The following DPYD variants were observed in gnomAD, a reference collection of about 807,000 sequenced individuals.
DPYD encodes dihydropyrimidine dehydrogenase.
Under a neutral mutation model 116.2 loss-of-function variants are expected in DPYD, and 109 were observed. The observed-to-expected ratio is 0.94, with a 90% confidence interval of 0.80 to 1.10. The LOEUF is 1.10. Among genes scored for constraint, DPYD ranks in the 50% least tolerant of loss-of-function variants. The probability of loss-of-function intolerance (pLI) is 0.00; values close to 1 mark genes in which losing one functional copy is unlikely to be tolerated. For synonymous variants in DPYD, 440 were observed against 432.0 expected (o/e 1.02, Z -0.23); for missense variants, 1,302 against 1,254.5 (o/e 1.04, Z -0.57).
intron 19 of DPYD, among the ~76,000 whole-genome samples, chr1:97,217,696 CTTTCT>C (rs1359030959): frequency 4.6e-5 from 7 of 151,370 alleles, no homozygotes; most frequent in Non-Finnish European, 1.0e-4. Flanking sequence ...GTCTGGTACT[CTTTCT>C]TTTATCAGTT....
chr1:97,556,280 C>T (rs1651698358), intron 11 of DPYD, among the ~76,000 whole-genome samples: 1 of 152,020 alleles, frequency 6.6e-6, no homozygotes, highest in Non-Finnish European at 1.5e-5. Flanking sequence ...TTCCACCTGT[C>T]CTCATGATGC....
rs560079981 is a variant in DPYD at position 97,263,341 on chromosome 1, T to A, written c.2300-28347A>T. Among the ~76,000 whole-genome samples the A allele has an allele frequency of 4.6e-5, 7 of 152,206 alleles. No homozygotes were observed. The South Asian group carries it at 1.5e-3, about 32-fold the overall frequency. On this transcript the variant is annotated intron_variant, in intron 18 of 22. Coordinates refer to ENST00000370192, the MANE Select transcript of DPYD (RefSeq NM_000110.4). Reference sequence around the variant, plus strand: ...ACATGAAATCACTATAAAGCTTTTATCTGAGGTCTGAAATACCATTTCCCC... The same window carrying A: ...ACATGAAATCACTATAAAGCTTTTAACTGAGGTCTGAAATACCATTTCCCC...
intron 20 of DPYD, among the ~76,000 whole-genome samples, chr1:97,113,209 T>C (rs1470952020): frequency 2.0e-5 from 3 of 152,130 alleles, no homozygotes; most frequent in Admixed American, 2.0e-4. Flanking sequence ...TACCCCAATA[T>C]TTTGAACTGA....
intron 2 of DPYD, among the ~76,000 whole-genome samples, chr1:97,873,348 C>A (rs1441093816): frequency 6.6e-6 from 1 of 151,772 alleles, no homozygotes; most frequent in Non-Finnish European, 1.5e-5. Flanking sequence ...TAAATTAATT[C>A]TTTAAGGGGG....
chr1:97,547,015 G>A lies in DPYD; in HGVS notation c.1524+2545C>T, dbSNP rs948322030. On this transcript the variant is annotated intron_variant, in intron 12 of 22. Transcript: ENST00000370192. ...TTGCACATATTTGCAATTTTTTGCT[G>A]TTTTGGAAGTTTATCATAAACCAGA... The A allele has an allele frequency of 1.5e-5, 22 of 1,492,820 alleles. No homozygotes were observed. In the African/African-American group the frequency reaches 3.0e-4, roughly 21 times the overall value. 92.5% of individuals were successfully genotyped at this position (1,492,820 alleles called of 1,614,324 possible). A position where few individuals can be genotyped will look rare whatever the true frequency, so the allele number is the denominator to read the frequency against.
intron 13 of DPYD, among the ~76,000 whole-genome samples, chr1:97,477,521 A>T (rs1424260488): frequency 6.6e-6 from 1 of 152,062 alleles, no homozygotes; most frequent in African/African-American, 2.4e-5. Context: ...GCCTAATTTC[A>T]AAGTCATCAA....
intron 3 of DPYD, among the ~76,000 whole-genome samples, chr1:97,822,412 A>G (rs1438428948): frequency 1.3e-5 from 2 of 148,286 alleles, no homozygotes; most frequent in African/African-American, 4.9e-5. Flanking sequence ...ATTTATATGT[A>G]ATATATACAT....
chr1:97,805,889 G>C (rs931525483), intron 3 of DPYD, among the ~76,000 whole-genome samples: 1 of 151,740 alleles, frequency 6.6e-6, no homozygotes, highest in South Asian at 2.1e-4. Context: ...AAAAAGAGAG[G>C]CTAGAAGCTT....
In DPYD at chr1:97,316,513, CA is replaced by C. The variant is rs1667853035; in HGVS notation, c.2059-10217del. ...TGGGAGACAGAGCAAGACTCTGTCT[CA>C]ATAAAATAAAATAAAATAAAATAAA... On this transcript the variant is annotated intron_variant, in intron 16 of 22. Coordinates refer to ENST00000370192, the MANE Select transcript of DPYD (RefSeq NM_000110.4). Among the ~76,000 whole-genome samples the C allele has an allele frequency of 1.6e-4, 20 of 124,332 alleles. No homozygotes were observed. In the South Asian group the frequency reaches 6.1e-3, roughly 38 times the overall value. 81.6% of individuals were successfully genotyped at this position (124,332 alleles called of 152,430 possible).
chr1:97,421,231 T>C (rs564971874), intron 14 of DPYD, among the ~76,000 whole-genome samples: 19 of 152,288 alleles, frequency 1.2e-4, no homozygotes, highest in Admixed American at 1.0e-3. Flanking sequence ...TAAGAGTTAA[T>C]TTTAGTTAAG....
At chr1:97,403,526 T>C (rs1012112250) in intron 14 of DPYD, among the ~76,000 whole-genome samples, 2 of 152,086 alleles carry the variant, frequency 1.3e-5, no homozygotes, top group Non-Finnish European at 2.9e-5. Context: ...TTGTCTATTT[T>C]TCCTGTGTGA....
At chr1:97,602,271 T>C (rs1655298859) in intron 8 of DPYD, among the ~76,000 whole-genome samples, 2 of 152,146 alleles carry the variant, frequency 1.3e-5, no homozygotes, top group Admixed American at 6.5e-5. Flanking sequence ...GAAGTTATAG[T>C]ATTTCAATTG....
chr1:97,620,909 C>T (rs1335814972), intron 8 of DPYD, among the ~76,000 whole-genome samples: 1 of 152,074 alleles, frequency 6.6e-6, no homozygotes, highest in Non-Finnish European at 1.5e-5. Flanking sequence ...ATAATGCTTT[C>T]ATCCTCTTAA....
chr1:97,306,959 G>T (rs1189484583), intron 16 of DPYD, among the ~76,000 whole-genome samples: 1 of 151,800 alleles, frequency 6.6e-6, no homozygotes, highest in Non-Finnish European at 1.5e-5. Context: ...TGACAAAAAT[G>T]AAATAAAATA....
intron 20 of DPYD, among the ~76,000 whole-genome samples, chr1:97,182,799 C>T (rs559259576): frequency 1.3e-5 from 2 of 152,258 alleles, no homozygotes; most frequent in East Asian, 3.9e-4. Context: ...CAGGAGTAAG[C>T]TGCAAGAGCC....
intron 14 of DPYD, among the ~76,000 whole-genome samples, chr1:97,384,214 C>T (rs1672163839): frequency 6.7e-6 from 1 of 149,646 alleles, no homozygotes; most frequent in Non-Finnish European, 1.5e-5. Context: ...CCACTGTGCT[C>T]TCACTACATA....
intron 3 of DPYD, among the ~76,000 whole-genome samples, chr1:97,756,684 G>T (rs1376019082): frequency 6.6e-6 from 1 of 152,072 alleles, no homozygotes; most frequent in Non-Finnish European, 1.5e-5. Context: ...AAGCTAGGAA[G>T]ATATTAATCT....
intron 18 of DPYD, among the ~76,000 whole-genome samples, chr1:97,269,892 G>A (rs775302793): frequency 1.3e-5 from 2 of 152,216 alleles, no homozygotes; most frequent in Middle Eastern, 3.4e-3. Flanking sequence ...AGTACACAGC[G>A]CTCAATATCT....
intron 16 of DPYD, among the ~76,000 whole-genome samples, chr1:97,357,241 G>A (rs553934548): frequency 1.3e-5 from 2 of 152,090 alleles, no homozygotes; most frequent in African/African-American, 4.8e-5. Context: ...CACCTCCTTG[G>A]TTAAATGGAT....
Sources: gnomAD v4.1 joint callset for allele counts (sites outside exome capture counted in the v4.1 genomes callset) on GRCh38, gnomAD v4.1.1 for gene constraint, MANE v1.5 for transcripts, NCBI Gene and HGNC (gene_info 2026-07-23, HGNC 2026-07-21) for gene names.